SEPTIN9: variants seen among roughly 807,000 people sequenced by gnomAD.
SEPTIN9 encodes septin 9.
In SEPTIN9, 13 loss-of-function variants were observed where a neutral mutation model predicts 56.6. The observed-to-expected ratio is 0.23, with a 90% CI of 0.15 to 0.37. The LOEUF (loss-of-function observed/expected upper bound fraction) is 0.37. Ranked by LOEUF, SEPTIN9 falls within the 10% of genes least tolerant of loss-of-function variation. SEPTIN9 has a pLI of 1.00. For missense variants in SEPTIN9, 650 were observed against 823.1 expected (o/e 0.79, Z 2.57); for synonymous variants, 332 against 334.1 (o/e 0.99, Z 0.07).
At position 77,492,514 on chromosome 17, in the gene SEPTIN9, A is replaced by C; in HGVS notation, c.1381-107A>C. The C allele has an allele frequency of 9.9e-7, 1 of 1,005,182 alleles. No homozygotes were observed. The highest frequency in any genetic ancestry group is 1.6e-6 in the Non-Finnish European group (1 of 626,898). The allele number at this position is 1,005,182 out of a possible 1,614,324, so 62.3% of individuals were successfully genotyped here. A position where few individuals can be genotyped will look rare whatever the true frequency, so the allele number is the denominator to read the frequency against. On this transcript the variant is annotated intron_variant, in intron 8 of 11. Coordinates refer to ENST00000427177, the MANE Select transcript of SEPTIN9 (RefSeq NM_001113491.2). This position sits in a 1 kb window ranked among gnomAD's most constrained non-coding sequence, Gnocchi z 5.4. ...CACAGCCCCCCAGAGCCTGCCCTTG[A>C]ACCCGAGCCTGGGGCAGCACACAGT...
At chr17:77,452,239 C>T (rs1598397130) in intron 3 of SEPTIN9, among the ~76,000 whole-genome samples, 2 of 152,234 alleles carry the variant, frequency 1.3e-5, no homozygotes, top group African/African-American at 4.8e-5. Flanking sequence ...GCTGAGGGAT[C>T]TCCCTAACGG....
intron 2 of SEPTIN9, among the ~76,000 whole-genome samples, chr17:77,366,948 T>C (rs1369286606): frequency 6.6e-6 from 1 of 152,210 alleles, no homozygotes; most frequent in Non-Finnish European, 1.5e-5. Flanking sequence ...AGATAAGAGC[T>C]CAGGCCGCTG....
chr17:77,442,975 T>C (rs1422280442), intron 3 of SEPTIN9, among the ~76,000 whole-genome samples: 1 of 152,114 alleles, frequency 6.6e-6, no homozygotes, highest in Non-Finnish European at 1.5e-5. Flanking sequence ...ATGTGAAGTC[T>C]TGTGACAATG....
At chr17:77,305,920 G>A (rs1320176310) in intron 1 of SEPTIN9, among the ~76,000 whole-genome samples, 2 of 125,026 alleles carry the variant, frequency 1.6e-5, no homozygotes, top group Non-Finnish European at 3.4e-5. Flanking sequence ...GGGTGGGTGG[G>A]TGGGTGGATG....
Position 77,371,085 on chromosome 17 carries a change from C to A in SEPTIN9, c.77-30974C>A, listed in dbSNP as rs930581363. On this transcript the variant is annotated intron_variant, in intron 2 of 11. Transcript: ENST00000427177. The surrounding 1 kb of genome is among the most constrained non-coding windows in gnomAD (Gnocchi z 4.1). ...GTTGGTTAGATACGAGGGTGAACTT[C>A]CTGGCTGGGAGTATGGCCAAGCCCT... is the stretch of plus-strand genomic sequence containing the variant. Among the ~76,000 whole-genome samples, 2 of 152,162 alleles carry A rather than the reference C, an allele frequency of 1.3e-5. No individual in the cohort carries two copies. Among genetic ancestry groups the A allele is most frequent in the Non-Finnish European group, 2.9e-5 (2 of 68,038 alleles).
At chr17:77,458,853 G>C (rs1316611138) in intron 3 of SEPTIN9, among the ~76,000 whole-genome samples, 2 of 152,238 alleles carry the variant, frequency 1.3e-5, no homozygotes, top group Admixed American at 6.5e-5. Flanking sequence ...TGGCGCAGGA[G>C]TGTGAGCTGC....
In SEPTIN9 at chr17:77,421,289, G is replaced by A. The variant is rs868047475; in HGVS notation, c.721+18586G>A. On this transcript the variant is annotated intron_variant, in intron 3 of 11. Coordinates refer to ENST00000427177, the MANE Select transcript of SEPTIN9 (RefSeq NM_001113491.2). This position sits in a 1 kb window ranked among gnomAD's most constrained non-coding sequence, Gnocchi z 4.6. The stretch of plus-strand genomic sequence containing the variant: ...GCCCTGGATTTTGAAATAAGACACC[G>A]CCCGTCTGTGGGGTGAGCAGGAACA... Among the ~76,000 whole-genome samples the A allele has an allele frequency of 6.6e-6, 1 of 152,116 alleles. No homozygotes were observed. Among genetic ancestry groups the A allele is most frequent in the African/African-American group, 2.4e-5 (1 of 41,404 alleles).
At chr17:77,394,668 G>C (rs1568034670) in intron 2 of SEPTIN9, among the ~76,000 whole-genome samples, 1 of 152,144 alleles carries the variant, frequency 6.6e-6, no homozygotes, top group Non-Finnish European at 1.5e-5. Flanking sequence ...GGGCTCTGTG[G>C]CTCGCTTGGT....
In SEPTIN9 at chr17:77,371,402, C is replaced by T. The variant is rs2034716005; in HGVS notation, c.77-30657C>T. On this transcript the variant is annotated intron_variant, in intron 2 of 11. Transcript: ENST00000427177. This position sits in a 1 kb window ranked among gnomAD's most constrained non-coding sequence, Gnocchi z 4.1. Reference sequence around the variant, plus strand: ...TACAATTGGCTGACCCTGTGCTAATCTGGTGGAACTCCATGCCAGCCCTGG... The same window carrying T: ...TACAATTGGCTGACCCTGTGCTAATTTGGTGGAACTCCATGCCAGCCCTGG... 6.6e-6 allele frequency among the ~76,000 whole-genome samples: 1 copy of T among 152,252 alleles called. No homozygotes were observed. The highest frequency in any genetic ancestry group is 2.4e-5 in the African/African-American group (1 of 41,460).
chr17:77,320,334 G>A (rs2032865174), intron 2 of SEPTIN9: 12 of 1,613,036 alleles, frequency 7.4e-6, no homozygotes, highest in South Asian at 3.3e-5. Context: ...GGAATGGAGA[G>A]GGACCGGATC....
intron 2 of SEPTIN9, among the ~76,000 whole-genome samples, chr17:77,396,143 T>TG (rs979339114): frequency 6.6e-5 from 10 of 151,876 alleles, no homozygotes; most frequent in South Asian, 4.2e-4. Context: ...GCTCTATGGG[T>TG]GGGGGGGTGA....
intron 2 of SEPTIN9, among the ~76,000 whole-genome samples, chr17:77,335,019 T>G (rs1294233370): frequency 6.6e-6 from 1 of 152,130 alleles, no homozygotes; most frequent in African/African-American, 2.4e-5. Flanking sequence ...TATTAGTATA[T>G]GTACGTATAT....
At chr17:77,432,161 T>A (rs2037168716) in intron 3 of SEPTIN9, among the ~76,000 whole-genome samples, 1 of 152,198 alleles carries the variant, frequency 6.6e-6, no homozygotes, top group South Asian at 2.1e-4. Flanking sequence ...GACTCTGACC[T>A]TTCCTGGCAG....
At chr17:77,486,519 TGTGCGC>T (rs1445602028) in intron 4 of SEPTIN9, among the ~76,000 whole-genome samples, 5 of 106,718 alleles carry the variant, frequency 4.7e-5, no homozygotes, top group African/African-American at 2.1e-4. Context: ...TGTGTGTGTG[TGTGCGC>T]GCACGCGCGC....
chr17:77,484,356 G>A (rs1459465255), intron 4 of SEPTIN9, among the ~76,000 whole-genome samples: 3 of 147,618 alleles, frequency 2.0e-5, no homozygotes, highest in Non-Finnish European at 4.5e-5. Flanking sequence ...GATGGTGATA[G>A]TGATCATGAG....
At chr17:77,480,520 G>C (rs1044232086) in intron 3 of SEPTIN9, among the ~76,000 whole-genome samples, 1 of 152,260 alleles carries the variant, frequency 6.6e-6, no homozygotes, top group African/African-American at 2.4e-5. Context: ...CTCCTGGCCT[G>C]GAAGCCTGCC....
rs1247918989 is a variant in SEPTIN9, at chr17:77,456,574, C to T, written c.722-25570C>T. On this transcript the variant is annotated intron_variant, in intron 3 of 11. Transcript: ENST00000427177. This position sits in a 1 kb window ranked among gnomAD's most constrained non-coding sequence, Gnocchi z 6.0. ...CAGACCCCATAGACAATACTGAGTC[C>T]CTGCAGCCAGGGATGGGCCCCCACG... 6.6e-6 allele frequency: 1 copy of T among 152,484 alleles called. No homozygotes were observed. The highest frequency in any genetic ancestry group is 2.4e-5 in the African/African-American group (1 of 41,446). The allele number at this position is 152,484 out of a possible 1,614,324, so 9.4% of individuals were successfully genotyped here.
At chr17:77,306,315 G>A (rs2032261733) in intron 1 of SEPTIN9, among the ~76,000 whole-genome samples, 2 of 152,214 alleles carry the variant, frequency 1.3e-5, no homozygotes, top group African/African-American at 2.4e-5. Flanking sequence ...AAGGGTGGCT[G>A]TATGGCATTG....
intron 2 of SEPTIN9, among the ~76,000 whole-genome samples, chr17:77,342,542 A>G (rs2033767498): frequency 1.3e-5 from 2 of 152,214 alleles, no homozygotes; most frequent in Admixed American, 6.5e-5. Flanking sequence ...TCAGCGCATT[A>G]GTCAGGGCCC....
Sources: gnomAD v4.1 joint callset for allele counts (sites outside exome capture counted in the v4.1 genomes callset) on GRCh38, gnomAD v4.1.1 for gene constraint, Gnocchi (gnomAD v3.1) non-coding constraint, MANE v1.5 for transcripts, NCBI Gene and HGNC (gene_info 2026-07-23, HGNC 2026-07-21) for gene names.